AXIN2: variants seen among roughly 807,000 people sequenced by gnomAD.
AXIN2 encodes the protein axin-2.
In AXIN2, 21 loss-of-function variants were observed where a neutral mutation model predicts 74.7. The ratio of observed to expected loss-of-function variants is 0.28; its 90% CI spans 0.20 to 0.40. The LOEUF (loss-of-function observed/expected upper bound fraction) is 0.40, where lower values mean the gene tolerates loss of function less well. Ranked by LOEUF, AXIN2 falls within the 10% of genes least tolerant of loss-of-function variation. The probability of loss-of-function intolerance (pLI) is 1.00; values close to 1 mark genes in which losing one functional copy is unlikely to be tolerated. For missense variants in AXIN2, 1,144 were observed against 1,111.1 expected (o/e 1.03, Z -0.42); for synonymous variants, 532 against 454.9 (o/e 1.17, Z -2.16).
Position 65,538,260 on chromosome 17 carries a change from C to G in AXIN2, c.1143G>C (p.Leu381=). 6.2e-7 allele frequency: 1 copy of G among 1,614,200 alleles called. No individual in the cohort carries two copies. Among genetic ancestry groups the G allele is most frequent in the African/African-American group, 1.3e-5 (1 of 75,068 alleles). Residue 381 remains leucine, a synonymous_variant, in exon 5 of 11, where the codon CTG becomes CTC. Transcript: ENST00000307078. ...AAELISRLEK[L]KLELESRHSL... ...TGTGGCGGCTCTCCAACTCCAGCTT[C>G]AGCTTTTCCAGCCTCGAGATCAGCT...
chr17:65,550,005 G>A (rs2044169349), intron 2 of AXIN2, among the ~76,000 whole-genome samples: 1 of 152,220 alleles, frequency 6.6e-6, no homozygotes, highest in Non-Finnish European at 1.5e-5. Context: ...TGGAATAGAA[G>A]AGGGGAACGA....
intron 6 of AXIN2, 51 bp from the exon 7 acceptor site, chr17:65,537,114 G>C (rs752309247): frequency 1.3e-6 from 2 of 1,577,594 alleles, no homozygotes; most frequent in African/African-American, 1.3e-5. Flanking sequence ...TTAAATCTCC[G>C]GGACTCCTAG....
In AXIN2 at chr17:65,537,752, G is replaced by T. The variant is rs750126379; in HGVS notation, c.1284C>A (p.Ser428=). The T allele has an allele frequency of 3.2e-6, 5 of 1,577,746 alleles. No individual in the cohort carries two copies. Among genetic ancestry groups the T allele is most frequent in the East Asian group, 2.3e-5 (1 of 42,900 alleles). ...TCTGCGGGTCTTCCTCGTAGCTGCCGGAGGGCAGTAGGGAGAGGGGGTGCT... is the reference window on the plus strand; with the variant it reads ...TCTGCGGGTCTTCCTCGTAGCTGCCTGAGGGCAGTAGGGAGAGGGGGTGCT... ...PTQHPLSLLP[S]GSYEEDPQTI... The change falls in exon 6 of 11, where the codon TCC becomes TCA. Residue 428 remains serine, a synonymous_variant. Coordinates refer to ENST00000307078, the MANE Select transcript of AXIN2 (RefSeq NM_004655.4).
chr17:65,531,202 A>AAAAAAAT (rs1388122862), intron 10 of AXIN2, among the ~76,000 whole-genome samples: 1 of 151,238 alleles, frequency 6.6e-6, no homozygotes, highest in Non-Finnish European at 1.5e-5. Flanking sequence ...TTTAAAAAAA[A>AAAAAAAT]AAAAATTAAC....
rs1285837197 is a variant in AXIN2 at position 65,528,626 on chromosome 17, G to C, written c.*1350C>G. On this transcript the variant is annotated 3_prime_UTR_variant, in exon 11 of 11. Transcript: ENST00000307078. ...TTAATTACAATAATTATTGTACCAAGTAATTTTCCTTAAATGAACTCTTTA... is the reference window on the plus strand; with the variant it reads ...TTAATTACAATAATTATTGTACCAACTAATTTTCCTTAAATGAACTCTTTA... 3 of 502,138 alleles carry C rather than the reference G, an allele frequency of 6.0e-6. No individual in the cohort carries two copies. The highest frequency in any genetic ancestry group is 1.1e-5 in the Non-Finnish European group (3 of 264,830). The allele number at this position is 502,138 out of a possible 1,614,324, so 31.1% of individuals were successfully genotyped here. A position where few individuals can be genotyped will look rare whatever the true frequency, so the allele number is the denominator to read the frequency against.
chr17:65,535,333 G>A (rs1297173262), intron 9 of AXIN2, among the ~76,000 whole-genome samples: 1 of 152,218 alleles, frequency 6.6e-6, no homozygotes, highest in Non-Finnish European at 1.5e-5. Context: ...TAAATTGCAA[G>A]TTGAATGGGG....
chr17:65,530,595 T>C (rs1031510134), intron 10 of AXIN2, among the ~76,000 whole-genome samples: 2 of 152,250 alleles, frequency 1.3e-5, no homozygotes, highest in East Asian at 3.8e-4. Flanking sequence ...TGTAAAAGGC[T>C]GACTTCCAGA....
intron 4 of AXIN2, among the ~76,000 whole-genome samples, chr17:65,540,144 T>C (rs910860972): frequency 3.3e-5 from 5 of 152,202 alleles, no homozygotes; most frequent in African/African-American, 1.2e-4. Context: ...GGAGAAATGG[T>C]CAATGAATAC....
At chr17:65,552,736 CAGAG>C (rs2044211409) in intron 2 of AXIN2, among the ~76,000 whole-genome samples, 1 of 152,126 alleles carries the variant, frequency 6.6e-6, no homozygotes, top group African/African-American at 2.4e-5. Context: ...CCAACAAAAA[CAGAG>C]AGCCCCAGCC....
At chr17:65,553,314 A>T (rs2044220062) in intron 2 of AXIN2, among the ~76,000 whole-genome samples, 2 of 152,218 alleles carry the variant, frequency 1.3e-5, no homozygotes, top group Admixed American at 6.5e-5. Context: ...AAAGTTTTTT[A>T]GTTTAACAGG....
chr17:65,541,403 A>C, intron 4 of AXIN2, 52 bp downstream of exon 4: 1 of 1,497,570 alleles, frequency 6.7e-7, no homozygotes, highest in Non-Finnish European at 9.3e-7. Context: ...TCTTTTCTTT[A>C]GGACTCAACA....
intron 10 of AXIN2, 85 bp downstream of exon 10, chr17:65,533,827 G>A (rs2144417088): frequency 2.6e-6 from 2 of 768,462 alleles, no homozygotes; most frequent in South Asian, 1.4e-5. Context: ...ACCTAGGTCT[G>A]CTCAGCCAGG....
chr17:65,551,582 GC>G (rs1158196778), intron 2 of AXIN2, among the ~76,000 whole-genome samples: 3 of 152,274 alleles, frequency 2.0e-5, no homozygotes, highest in African/African-American at 7.2e-5. Flanking sequence ...CCTGGGGGAA[GC>G]CACCGCCACA....
intron 1 of AXIN2, chr17:65,560,441 A>T (rs1266821063): frequency 7.6e-6 from 1 of 131,224 alleles, no homozygotes; most frequent in Non-Finnish European, 1.7e-5. Context: ...GGGGAGGGCA[A>T]GCGGGGGGCG....
intron 10 of AXIN2, among the ~76,000 whole-genome samples, chr17:65,532,987 T>C (rs2043849842): frequency 6.6e-6 from 1 of 152,202 alleles, no homozygotes; most frequent in Admixed American, 6.5e-5. Context: ...ACACATTCTC[T>C]TGGGCTGCAG....
chr17:65,551,576 G>A (rs2044193932), intron 2 of AXIN2, among the ~76,000 whole-genome samples: 1 of 152,176 alleles, frequency 6.6e-6, no homozygotes, highest in South Asian at 2.1e-4. Flanking sequence ...GGGAGCCCTG[G>A]GGGAAGCCAC....
At chr17:65,539,521 C>T (rs1598102318) in intron 4 of AXIN2, among the ~76,000 whole-genome samples, 1 of 152,196 alleles carries the variant, frequency 6.6e-6, no homozygotes, top group Non-Finnish European at 1.5e-5. Context: ...TGTTAACTCA[C>T]ATATCCCCCA....
intron 1 of AXIN2, chr17:65,560,380 G>A (rs1244039577): frequency 6.6e-6 from 1 of 151,812 alleles, no homozygotes; most frequent in Non-Finnish European, 1.5e-5. Flanking sequence ...GAAAAGGGGA[G>A]GGGGAAGAGA....
intron 4 of AXIN2, among the ~76,000 whole-genome samples, chr17:65,540,847 A>C (rs1464626558): frequency 6.6e-6 from 1 of 151,816 alleles, no homozygotes; most frequent in African/African-American, 2.4e-5. Context: ...TGGTTCTTGA[A>C]TAGCCTGCAG....
Sources: allele counts gnomAD v4.1 joint callset (sites outside exome capture counted in the v4.1 genomes callset), GRCh38; gene constraint gnomAD v4.1.1; transcripts MANE v1.5; gene names NCBI Gene and HGNC (gene_info 2026-07-23, HGNC 2026-07-21).